Variants in CDK18 observed in about 807,000 individuals in gnomAD.
CDK18 encodes cyclin dependent kinase 18.
A neutral mutation model predicts 62.0 loss-of-function variants in CDK18; 52 were observed. The ratio of observed to expected loss-of-function variants is 0.84; its 90% CI spans 0.67 to 1.06. The LOEUF is 1.06. Ranked by LOEUF, CDK18 falls within the 50% of genes least tolerant of loss-of-function variation. CDK18 has a pLI of 0.00. For missense variants in CDK18, 604 were observed against 619.9 expected, an observed-to-expected ratio of 0.97 and a Z score of 0.27; for synonymous variants, 237 against 247.0, an observed-to-expected ratio of 0.96 and a Z score of 0.38.
chr1:205,531,475 C>A lies in CDK18; in HGVS notation c.*97C>A. 8.7e-7 allele frequency: 1 copy of A among 1,152,566 alleles called. No homozygotes were observed. The highest frequency in any genetic ancestry group is 1.3e-6 in the Non-Finnish European group (1 of 764,300). The allele number at this position is 1,152,566 out of a possible 1,614,324, so 71.4% of individuals were successfully genotyped here. A position where few individuals can be genotyped will look rare whatever the true frequency, so the allele number is the denominator to read the frequency against. On this transcript the variant is annotated 3_prime_UTR_variant, in exon 16 of 16. Coordinates refer to ENST00000429964, the MANE Select transcript of CDK18 (RefSeq NM_212502.3). ...GTGTGGCCCTCGGAGGACTGAAGAACGAGGGCTGACAGCCAGCCTGGAAGA... is the reference window on the plus strand; with the variant it reads ...GTGTGGCCCTCGGAGGACTGAAGAAAGAGGGCTGACAGCCAGCCTGGAAGA...
At chr1:205,525,706 G>A (rs1049618950) in intron 5 of CDK18, among the ~76,000 whole-genome samples, 5 of 152,190 alleles carry the variant, frequency 3.3e-5, no homozygotes, top group African/African-American at 1.2e-4. Context: ...CTGTGCAGAG[G>A]CCTGGGGTGG....
chr1:205,523,416 G>C, intron 2 of CDK18, 67 bp from the exon 3 acceptor site: 1 of 1,599,502 alleles, frequency 6.3e-7, no homozygotes, highest in Non-Finnish European at 8.5e-7. Context: ...CGCTGGGGGA[G>C]GGGGGCTACC....
rs1668749231 is a variant in CDK18, at chr1:205,531,756, C to G, written c.*378C>G. 8.1e-6 allele frequency: 2 copies of G among 246,484 alleles called. No homozygotes were observed. Among genetic ancestry groups the G allele is most frequent in the Non-Finnish European group, 8.0e-6 (1 of 125,238 alleles). The allele number at this position is 246,484 out of a possible 1,614,324, so 15.3% of individuals were successfully genotyped here. A position where few individuals can be genotyped will look rare whatever the true frequency, so the allele number is the denominator to read the frequency against. On this transcript the variant is annotated 3_prime_UTR_variant, in exon 16 of 16. Transcript: ENST00000429964. ...CACTCTGCCCTGGATACAGGCTCTA[C>G]CCTCCTCCCCCAGGACCTGCCTAGT...
At position 205,527,701 on chromosome 1, in the gene CDK18, C is replaced by T; in HGVS notation, c.730-93C>T. On this transcript the variant is annotated intron_variant, in intron 8 of 15. Transcript: ENST00000429964. This position sits in a 1 kb window ranked among gnomAD's most constrained non-coding sequence, Gnocchi z 4.1. ...GAGAATGAGGGGCTTGTGCTGACCT[C>T]ACTGCCAAGCCCCTGCCCCCATCCT... The T allele has an allele frequency of 8.1e-7, 1 of 1,231,744 alleles. No homozygotes were observed. The highest frequency in any genetic ancestry group is 1.2e-6 in the Non-Finnish European group (1 of 851,298). The allele number at this position is 1,231,744 out of a possible 1,614,324, so 76.3% of individuals were successfully genotyped here.
chr1:205,525,324 A>G, intron 5 of CDK18, 129 bp downstream of exon 5: 2 of 583,338 alleles, frequency 3.4e-6, no homozygotes, highest in Non-Finnish European at 6.2e-6. Flanking sequence ...TGCCCCATAG[A>G]GGTGCACAGT....
Position 205,527,796 on chromosome 1 carries a change from T to A in CDK18, c.732T>A (p.Ile244=). Residue 244 remains isoleucine, a splice_region_variant and synonymous_variant, in exon 9 of 16, where the codon ATT becomes ATA. Coordinates refer to ENST00000429964, the MANE Select transcript of CDK18 (RefSeq NM_212502.3). This position sits in a 1 kb window ranked among gnomAD's most constrained non-coding sequence, Gnocchi z 4.1. The part of the protein sequence containing the change: ...GNLMSMHNVK[I]FMFQLLRGLA... The stretch of plus-strand genomic sequence containing the variant: ...CATTTCTCTTCCCCCTCCCCCAGAT[T>A]TTCATGTTCCAGCTGCTCCGGGGCC... The A allele has an allele frequency of 6.2e-7, 1 of 1,613,704 alleles. No homozygotes were observed. Among genetic ancestry groups the A allele is most frequent in the Non-Finnish European group, 8.5e-7 (1 of 1,179,770 alleles).
chr1:205,530,999 G>A (rs191182065), intron 15 of CDK18, among the ~76,000 whole-genome samples: 2 of 152,314 alleles, frequency 1.3e-5, no homozygotes, highest in Admixed American at 6.5e-5. Context: ...TTCCATCCTG[G>A]GAGAACGGTA....
intron 13 of CDK18, chr1:205,529,776 G>A (rs1339114581): frequency 2.7e-6 from 4 of 1,503,016 alleles, no homozygotes; most frequent in Non-Finnish European, 2.7e-6. Context: ...TTACTTAGCT[G>A]TGTAGCTCTG....
Position 205,527,731 on chromosome 1 carries a change from C to G in CDK18, c.730-63C>G, listed in dbSNP as rs1258639602. The G allele has an allele frequency of 3.8e-6, 6 of 1,568,842 alleles. No individual in the cohort carries two copies. Among genetic ancestry groups the G allele is most frequent in the Non-Finnish European group, 5.2e-6 (6 of 1,146,064 alleles). ...CCAAGCCCCTGCCCCCATCCTGGTC[C>G]CAGCCTTGGAGCAGAGGCTCAGGGC... On this transcript the variant is annotated intron_variant, in intron 8 of 15. Coordinates refer to ENST00000429964, the MANE Select transcript of CDK18 (RefSeq NM_212502.3). This position sits in a 1 kb window ranked among gnomAD's most constrained non-coding sequence, Gnocchi z 4.1.
At chr1:205,519,827 C>T (rs555377341) in intron 1 of CDK18, among the ~76,000 whole-genome samples, 85 of 152,248 alleles carry the variant, frequency 5.6e-4, no homozygotes, top group African/African-American at 2.0e-3. Flanking sequence ...AATGAGCTCC[C>T]CTCCCCTCAC....
intron 7 of CDK18, 100 bp from the exon 8 acceptor site, chr1:205,526,675 T>C: frequency 8.4e-7 from 1 of 1,190,130 alleles, no homozygotes; most frequent in Non-Finnish European, 1.3e-6. Flanking sequence ...CTAGTGGGCG[T>C]GGGCCCTTCC....
intron 3 of CDK18, 146 bp downstream of exon 3, chr1:205,523,771 C>T (rs559551282): frequency 9.5e-7 from 1 of 1,051,882 alleles, no homozygotes; most frequent in African/African-American, 1.6e-5. Context: ...GAGCAAGTTA[C>T]TCAACCTCTG....
At chr1:205,505,413 G>T (rs975603821) in intron 1 of CDK18, among the ~76,000 whole-genome samples, 1 of 151,914 alleles carries the variant, frequency 6.6e-6, no homozygotes, top group East Asian at 1.9e-4. Flanking sequence ...AGGGGTCTGG[G>T]GAATGCTGCT....
intron 1 of CDK18, among the ~76,000 whole-genome samples, chr1:205,515,522 C>T (rs1458352558): frequency 6.6e-6 from 1 of 152,198 alleles, no homozygotes; most frequent in Non-Finnish European, 1.5e-5. Flanking sequence ...CAGAAAGCAG[C>T]TGAGAAAGTT....
rs3795547 is a variant in CDK18 at position 205,531,701 on chromosome 1, C to T, written c.*323C>T. 20,273 of 362,010 alleles carry T rather than the reference C, an allele frequency of 0.056. 819 individuals carry two copies. Among genetic ancestry groups the T allele is most frequent in the African/African-American group, 0.14 (6,572 of 47,766 alleles). 22.4% of individuals were successfully genotyped at this position (362,010 alleles called of 1,614,324 possible). A position where few individuals can be genotyped will look rare whatever the true frequency, so the allele number is the denominator to read the frequency against. Reference sequence around the variant, plus strand: ...TTTGGGCACCTGCGTGGGATGCACACGGATGACAGAATCAAGGCGCCAGGA... The same window carrying T: ...TTTGGGCACCTGCGTGGGATGCACATGGATGACAGAATCAAGGCGCCAGGA... On this transcript the variant is annotated 3_prime_UTR_variant, in exon 16 of 16. Transcript: ENST00000429964.
intron 1 of CDK18, among the ~76,000 whole-genome samples, chr1:205,511,842 T>C (rs1667579284): frequency 6.6e-6 from 1 of 152,166 alleles, no homozygotes; most frequent in South Asian, 2.1e-4. Flanking sequence ...TTACCTGAGT[T>C]CAGGAGTTTG....
chr1:205,529,355 G>A lies in CDK18; in HGVS notation c.1104G>A (p.Val368=). The A allele has an allele frequency of 6.2e-7, 1 of 1,613,978 alleles. No individual in the cohort carries two copies. Among genetic ancestry groups the A allele is most frequent in the South Asian group, 1.1e-5 (1 of 91,074 alleles). The change falls in exon 12 of 16, where the codon GTG becomes GTA. Residue 368 remains valine (V), a synonymous_variant. Coordinates refer to ENST00000429964, the MANE Select transcript of CDK18 (RefSeq NM_212502.3). The part of the protein sequence containing the change: ...GTPTEETWPG[V]TAFSEFRTYS... Reference sequence around the variant, plus strand: ...CCACAGAAGAGACGTGGCCCGGCGTGACCGCCTTCTCTGAGTTCCGCACCT... The same window carrying A: ...CCACAGAAGAGACGTGGCCCGGCGTAACCGCCTTCTCTGAGTTCCGCACCT...
intron 3 of CDK18, 58 bp downstream of exon 3, chr1:205,523,683 C>A: frequency 1.3e-6 from 2 of 1,510,718 alleles, no homozygotes; most frequent in East Asian, 2.5e-5. Flanking sequence ...CAAGGGTGTG[C>A]ACAGGAGGGC....
At position 205,517,955 on chromosome 1, in the gene CDK18, C is replaced by T. The variant is rs572378703; in HGVS notation, c.-21-5192C>T. 6.6e-6 allele frequency among the ~76,000 whole-genome samples: 1 copy of T among 152,308 alleles called. No individual in the cohort carries two copies. Among genetic ancestry groups the T allele is most frequent in the East Asian group, 1.9e-4 (1 of 5,184 alleles). ...GCCCAACACAGCTGCTCCGCACTCC[C>T]ATCCAGCATCTTCTCCAGCCACATC... On this transcript the variant is annotated intron_variant, in intron 1 of 15. Coordinates refer to ENST00000429964, the MANE Select transcript of CDK18 (RefSeq NM_212502.3). This position sits in a 1 kb window ranked among gnomAD's most constrained non-coding sequence, Gnocchi z 4.1.
Sources: gnomAD v4.1 joint callset for allele counts (sites outside exome capture counted in the v4.1 genomes callset) on GRCh38, gnomAD v4.1.1 for gene constraint, Gnocchi (gnomAD v3.1) non-coding constraint, MANE v1.5 for transcripts, NCBI Gene and HGNC (gene_info 2026-07-23, HGNC 2026-07-21) for gene names.